Variants in KCND2 observed in about 807,000 individuals in gnomAD.
KCND2 encodes potassium voltage-gated channel subfamily D member 2.
KCND2 carries 16 observed loss-of-function variants against 54.4 expected under a neutral mutation model. The ratio of observed to expected loss-of-function variants is 0.29; its 90% CI spans 0.20 to 0.45. KCND2 has a LOEUF of 0.45. KCND2 is among the 20% of genes least tolerant of loss of function. The probability of loss-of-function intolerance (pLI) is 1.00; values close to 1 mark genes in which losing one functional copy is unlikely to be tolerated. For synonymous variants in KCND2, 317 were observed against 310.7 expected (o/e 1.02, Z -0.21); for missense variants, 486 against 824.2 (o/e 0.59, Z 5.02).
At chr7:120,587,098 A>G (rs1792609599) in intron 1 of KCND2, among the ~76,000 whole-genome samples, 1 of 152,216 alleles carries the variant, frequency 6.6e-6, no homozygotes, top group African/African-American at 2.4e-5. Flanking sequence ...TTTTAGCTCT[A>G]TAAATCACTC....
In KCND2 at chr7:120,638,348, G is replaced by T. The variant is rs143161609; in HGVS notation, c.1116-94555G>T. Among the ~76,000 whole-genome samples the T allele has an allele frequency of 2.4e-3, 368 of 152,248 alleles. 1 individual carries two copies. The highest frequency in any genetic ancestry group is 8.3e-3 in the African/African-American group (344 of 41,560). On this transcript the variant is annotated intron_variant, in intron 1 of 5. Transcript: ENST00000331113. ...ACACTGAACCAGAAGCCAACTGAGG[G>T]ATGGACAAGTTTGATGTCAGAAGTT...
At position 120,275,527 on chromosome 7, in the gene KCND2, A is replaced by C. The variant is rs766194728; in HGVS notation, c.895A>C (p.Arg299=). 1 of 1,611,382 alleles carries C rather than the reference A, an allele frequency of 6.2e-7. No homozygotes were observed. Among genetic ancestry groups the C allele is most frequent in the South Asian group, 1.1e-5 (1 of 90,940 alleles). Residue 299 remains arginine (R), a synonymous_variant, in exon 1 of 6, where the codon AGG becomes CGG. Transcript: ENST00000331113. Reference sequence around the variant, plus strand: ...CACACTCCGAGTCTTCCGGGTCTTCAGGATCTTTAAGTTTTCCCGCCACTC... The same window carrying C: ...CACACTCCGAGTCTTCCGGGTCTTCCGGATCTTTAAGTTTTCCCGCCACTC... The part of the protein sequence containing the change: ...FVTLRVFRVF[R]IFKFSRHSQG...
At chr7:120,455,996 G>T (rs1013125369) in intron 1 of KCND2, among the ~76,000 whole-genome samples, 3 of 151,948 alleles carry the variant, frequency 2.0e-5, no homozygotes, top group African/African-American at 7.3e-5. Context: ...TTAGCATGGG[G>T]TCTGTACACT....
At chr7:120,514,342 A>G (rs1803164802) in intron 1 of KCND2, among the ~76,000 whole-genome samples, 1 of 152,128 alleles carries the variant, frequency 6.6e-6, no homozygotes, top group Non-Finnish European at 1.5e-5. Flanking sequence ...TGTCAAAAAT[A>G]CAGGAAATCA....
chr7:120,490,208 AT>A (rs1304299392), intron 1 of KCND2, among the ~76,000 whole-genome samples: 1 of 145,624 alleles, frequency 6.9e-6, no homozygotes, highest in Non-Finnish European at 1.5e-5. Flanking sequence ...AATTACAACA[AT>A]TTTCCCCAAA....
At chr7:120,391,369 A>G (rs767422587) in intron 1 of KCND2, among the ~76,000 whole-genome samples, 3 of 152,144 alleles carry the variant, frequency 2.0e-5, no homozygotes, top group African/African-American at 7.2e-5. Flanking sequence ...TAGTGCTGCA[A>G]TAAACGTATG....
At chr7:120,327,728 C>A (rs760690941) in intron 1 of KCND2, among the ~76,000 whole-genome samples, 1 of 151,124 alleles carries the variant, frequency 6.6e-6, no homozygotes, top group South Asian at 2.1e-4. Flanking sequence ...TGCATATTGT[C>A]TAATCACTCT....
At chr7:120,498,239 T>A (rs779078961) in intron 1 of KCND2, among the ~76,000 whole-genome samples, 13 of 152,122 alleles carry the variant, frequency 8.5e-5, no homozygotes, top group Admixed American at 2.0e-4. Context: ...CCCAGCACTT[T>A]GGGAGGCCGA....
chr7:120,719,421 G>A (rs1792640921), intron 1 of KCND2, among the ~76,000 whole-genome samples: 1 of 152,108 alleles, frequency 6.6e-6, no homozygotes, highest in Non-Finnish European at 1.5e-5. Flanking sequence ...CTTATTAGTG[G>A]TAGAAACATC....
intron 1 of KCND2, among the ~76,000 whole-genome samples, chr7:120,542,908 A>G (rs1217781892): frequency 1.3e-5 from 2 of 152,114 alleles, no homozygotes; most frequent in African/African-American, 4.8e-5. Flanking sequence ...CAGCGAGGTA[A>G]GGATTATTCT....
At chr7:120,609,507 C>T (rs912500348) in intron 1 of KCND2, among the ~76,000 whole-genome samples, 4 of 152,106 alleles carry the variant, frequency 2.6e-5, no homozygotes, top group African/African-American at 9.7e-5. Context: ...GATGTCTTGA[C>T]GTCATCCACT....
At chr7:120,385,017 T>TTTC in intron 1 of KCND2, among the ~76,000 whole-genome samples, 1 of 144,022 alleles carries the variant, frequency 6.9e-6, no homozygotes, top group South Asian at 2.3e-4. Flanking sequence ...TTTTTTTTTT[T>TTTC]TTTTTCTGAG....
chr7:120,424,896 G>A (rs780288869), intron 1 of KCND2, among the ~76,000 whole-genome samples: 2 of 152,142 alleles, frequency 1.3e-5, no homozygotes, highest in Admixed American at 1.3e-4. Flanking sequence ...AGCTATGTTT[G>A]TGCTTTCATG....
chr7:120,576,151 G>A (rs1178931409), intron 1 of KCND2, among the ~76,000 whole-genome samples: 2 of 151,986 alleles, frequency 1.3e-5, no homozygotes, highest in Non-Finnish European at 2.9e-5. Flanking sequence ...CAATTTTTCA[G>A]TTAGATTTTA....
intron 1 of KCND2, among the ~76,000 whole-genome samples, chr7:120,549,645 T>C (rs894710960): frequency 3.9e-5 from 6 of 152,154 alleles, no homozygotes; most frequent in African/African-American, 1.4e-4. Flanking sequence ...CAACAGCAGG[T>C]TTTCCCTTTA....
At chr7:120,333,106 G>C (rs1449568921) in intron 1 of KCND2, among the ~76,000 whole-genome samples, 1 of 152,078 alleles carries the variant, frequency 6.6e-6, no homozygotes, top group African/African-American at 2.4e-5. Context: ...TGAGTCTGGA[G>C]AACAGAGATC....
chr7:120,460,004 A>G (rs528526846), intron 1 of KCND2, among the ~76,000 whole-genome samples: 1 of 152,216 alleles, frequency 6.6e-6, no homozygotes, highest in African/African-American at 2.4e-5. Flanking sequence ...TTTTTTTCCT[A>G]CTAATGATTC....
At chr7:120,501,899 A>G (rs1011291409) in intron 1 of KCND2, among the ~76,000 whole-genome samples, 26 of 152,096 alleles carry the variant, frequency 1.7e-4, no homozygotes, top group African/African-American at 6.0e-4. Flanking sequence ...GACTAAGTTA[A>G]AGTTTTTCAG....
intron 1 of KCND2, among the ~76,000 whole-genome samples, chr7:120,372,769 C>T (rs1800782276): frequency 6.6e-6 from 1 of 151,778 alleles, no homozygotes; most frequent in Non-Finnish European, 1.5e-5. Flanking sequence ...TTCTTTCTTA[C>T]CTGATAGGTT....
Sources: allele counts gnomAD v4.1 joint callset (sites outside exome capture counted in the v4.1 genomes callset), GRCh38; gene constraint gnomAD v4.1.1; transcripts MANE v1.5; gene names NCBI Gene and HGNC (gene_info 2026-07-23, HGNC 2026-07-21).